Variants in ADAM12 observed in about 807,000 individuals in gnomAD.
The protein encoded by ADAM12 is disintegrin and metalloproteinase domain-containing protein 12.
Under a neutral mutation model 106.4 loss-of-function variants are expected in ADAM12, and 70 were observed. That is an observed-to-expected ratio of 0.66 (90% CI 0.54 to 0.80). The LOEUF (loss-of-function observed/expected upper bound fraction) is 0.80. Ranked by LOEUF, ADAM12 falls within the 30% of genes least tolerant of loss-of-function variation. ADAM12 has a pLI of 0.00. For synonymous variants in ADAM12, 420 were observed against 433.5 expected (o/e 0.97, Z 0.39); for missense variants, 1,010 against 1,171.9 (o/e 0.86, Z 2.02).
chr10:126,203,939 C>CGT (rs56035821), intron 3 of ADAM12, among the ~76,000 whole-genome samples: 2,113 of 150,258 alleles, frequency 0.014, 72 homozygotes, highest in East Asian at 0.081. Context: ...CGCGCGCGCG[C>CGT]GTGTGTGTGT....
chr10:126,340,740 T>A (rs1854896745), intron 1 of ADAM12, among the ~76,000 whole-genome samples: 1 of 141,738 alleles, frequency 7.1e-6, no homozygotes, highest in Non-Finnish European at 1.5e-5. Flanking sequence ...TTTTTTGAGG[T>A]GGAGTCTCAC....
chr10:126,318,694 AAAAT>A (rs1312304596), intron 2 of ADAM12, among the ~76,000 whole-genome samples: 3 of 152,342 alleles, frequency 2.0e-5, no homozygotes, highest in East Asian at 3.9e-4. Context: ...TTTGAACAAT[AAAAT>A]AAATAAGAGT....
chr10:126,129,303 G>T (rs1042650341), intron 5 of ADAM12, among the ~76,000 whole-genome samples: 1 of 152,224 alleles, frequency 6.6e-6, no homozygotes, highest in Non-Finnish European at 1.5e-5. Context: ...CCCTCCAGGA[G>T]CTCATGCTCC....
intron 1 of ADAM12, among the ~76,000 whole-genome samples, chr10:126,386,536 C>T (rs1856666239): frequency 1.3e-5 from 2 of 152,118 alleles, no homozygotes; most frequent in Admixed American, 6.6e-5. Context: ...CCCTGGTTTT[C>T]TATTTTGGGT....
intron 4 of ADAM12, among the ~76,000 whole-genome samples, chr10:126,151,293 G>C (rs995917918): frequency 4.6e-5 from 7 of 152,168 alleles, no homozygotes; most frequent in African/African-American, 1.4e-4. Flanking sequence ...GGGATAGATA[G>C]CATTCTCCAC....
At chr10:126,122,455 G>T (rs993061836) in intron 5 of ADAM12, among the ~76,000 whole-genome samples, 2 of 152,034 alleles carry the variant, frequency 1.3e-5, no homozygotes, top group Non-Finnish European at 2.9e-5. Flanking sequence ...TTAAGGATGC[G>T]AACTTAAAAA....
intron 16 of ADAM12, among the ~76,000 whole-genome samples, chr10:126,047,073 T>C (rs1258194680): frequency 6.6e-6 from 1 of 152,172 alleles, no homozygotes; most frequent in African/African-American, 2.4e-5. Context: ...ATTTCCTAAG[T>C]GATACTGGGC....
chr10:126,055,878 A>C (rs554810836), intron 14 of ADAM12, among the ~76,000 whole-genome samples: 13 of 152,334 alleles, frequency 8.5e-5, no homozygotes, highest in African/African-American at 2.6e-4. Flanking sequence ...TACCCCCTGC[A>C]CCTGAGCATG....
At chr10:126,326,195 C>T (rs959041206) in intron 2 of ADAM12, among the ~76,000 whole-genome samples, 2 of 146,266 alleles carry the variant, frequency 1.4e-5, no homozygotes, top group Admixed American at 6.9e-5. Flanking sequence ...ACTAAAATCA[C>T]CGGGGAGTAT....
intron 3 of ADAM12, among the ~76,000 whole-genome samples, 159 bp downstream of exon 3, chr10:126,278,756 T>G (rs988998788): frequency 1.4e-4 from 21 of 152,234 alleles, no homozygotes; most frequent in African/African-American, 5.1e-4. Context: ...TTCCATTAGA[T>G]AATTTTTTAA....
At chr10:126,106,731 G>A (rs190199223) in intron 8 of ADAM12, among the ~76,000 whole-genome samples, 145 of 152,096 alleles carry the variant, frequency 9.5e-4, no homozygotes, top group Non-Finnish European at 6.6e-4. Context: ...TGATCCGCCC[G>A]CCTCGGCCTC....
chr10:126,049,534 CTT>C lies in ADAM12; in HGVS notation c.1718+25_1718+26del, dbSNP rs1954419826. 1.9e-6 allele frequency: 3 copies of C among 1,614,038 alleles called. No individual in the cohort carries two copies. Among genetic ancestry groups the C allele is most frequent in the Non-Finnish European group, 2.5e-6 (3 of 1,179,884 alleles). On this transcript the variant is annotated intron_variant, in intron 15 of 22. Coordinates refer to ENST00000448723, the MANE Select transcript of ADAM12 (RefSeq NM_001288973.2). This position sits in a 1 kb window ranked among gnomAD's most constrained non-coding sequence, Gnocchi z 4.4. Reference sequence around the variant, plus strand: ...CAATGTGGGAAGGTCAGAGCAAAGACTTTGCCAGGATGTCTGGATTCCATACC... The same window carrying C: ...CAATGTGGGAAGGTCAGAGCAAAGACTGCCAGGATGTCTGGATTCCATACC...
intron 5 of ADAM12, among the ~76,000 whole-genome samples, chr10:126,128,824 G>T (rs1357280581): frequency 6.6e-6 from 1 of 151,482 alleles, no homozygotes; most frequent in African/African-American, 2.4e-5. Context: ...GCCTGCGCAT[G>T]TGAGTGTGTG....
At chr10:126,331,770 G>C (rs949444232) in intron 1 of ADAM12, among the ~76,000 whole-genome samples, 1 of 152,170 alleles carries the variant, frequency 6.6e-6, no homozygotes, top group Non-Finnish European at 1.5e-5. Context: ...TGGTCTTCAG[G>C]GTGTGGATGG....
intron 3 of ADAM12, among the ~76,000 whole-genome samples, chr10:126,262,764 A>G (rs965255591): frequency 1.3e-5 from 2 of 152,176 alleles, no homozygotes; most frequent in African/African-American, 4.8e-5. Flanking sequence ...CAAGGTTGCC[A>G]TTATATATAA....
At chr10:126,209,105 C>G (rs372464566) in intron 3 of ADAM12, among the ~76,000 whole-genome samples, 4 of 152,192 alleles carry the variant, frequency 2.6e-5, no homozygotes, top group African/African-American at 7.2e-5. Context: ...AGAACGCTGT[C>G]AATTCACTGT....
intron 11 of ADAM12, among the ~76,000 whole-genome samples, chr10:126,075,721 C>A (rs527341253): frequency 6.6e-6 from 1 of 152,170 alleles, no homozygotes; most frequent in South Asian, 2.1e-4. Context: ...CAGGACTGGC[C>A]TGGAGGAACT....
rs894642794 is a variant in ADAM12 at position 126,053,304 on chromosome 10, T to C, written c.1610-3635A>G. 6.6e-6 allele frequency among the ~76,000 whole-genome samples: 1 copy of C among 152,184 alleles called. No individual in the cohort carries two copies. Among genetic ancestry groups the C allele is most frequent in the Non-Finnish European group, 1.5e-5 (1 of 68,024 alleles). On this transcript the variant is annotated intron_variant, in intron 14 of 22. Transcript: ENST00000448723. This position sits in a 1 kb window ranked among gnomAD's most constrained non-coding sequence, Gnocchi z 4.6. Reference sequence around the variant, plus strand: ...CCAGTCTCAGGTATTTATTTATTTATAGCAGTGTGAGAACAGACTAATACA... The same window carrying C: ...CCAGTCTCAGGTATTTATTTATTTACAGCAGTGTGAGAACAGACTAATACA...
intron 3 of ADAM12, among the ~76,000 whole-genome samples, chr10:126,261,803 A>AT (rs11316581): frequency 3.8e-4 from 51 of 134,342 alleles, no homozygotes; most frequent in Admixed American, 1.5e-3. Context: ...GATGGATAGT[A>AT]TTTTTTTTTT....
Sources: allele counts gnomAD v4.1 joint callset (sites outside exome capture counted in the v4.1 genomes callset), GRCh38; gene constraint gnomAD v4.1.1; non-coding constraint Gnocchi (gnomAD v3.1); transcripts MANE v1.5; gene names NCBI Gene and HGNC (gene_info 2026-07-23, HGNC 2026-07-21).